The following LRWD1 variants were observed in gnomAD, a reference collection of about 807,000 sequenced individuals.
The protein encoded by LRWD1 is leucine-rich repeat and WD repeat-containing protein 1.
Under a neutral mutation model 75.6 loss-of-function variants are expected in LRWD1, and 76 were observed. The ratio of observed to expected loss-of-function variants is 1.01; its 90% confidence interval spans 0.84 to 1.22. The LOEUF is 1.22. Ranked by LOEUF, LRWD1 falls within the 50% of genes most tolerant of loss-of-function variation. The pLI, the probability that LRWD1 is intolerant of heterozygous loss-of-function variation, is 0.00. For missense variants in LRWD1, 917 were observed against 862.0 expected, an observed-to-expected ratio of 1.06 and a Z score of -0.80; for synonymous variants, 487 against 377.0, an observed-to-expected ratio of 1.29 and a Z score of -3.38.
rs1350056164 is a variant in LRWD1, at chr7:102,469,068, C to A, written c.1228+6C>A. 6.3e-7 allele frequency: 1 copy of A among 1,592,804 alleles called. No homozygotes were observed. The highest frequency in any genetic ancestry group is 8.6e-7 in the Non-Finnish European group (1 of 1,168,672). On this transcript the variant is annotated splice_donor_region_variant and intron_variant, in intron 9 of 14. Transcript: ENST00000292616. ...CCACGAGACCCATCTCTTCAGTAAG[C>A]CCCTCCCCTTCACCCCTGGGACCCC... is the stretch of plus-strand genomic sequence containing the variant.
At chr7:102,465,539 G>T (rs1316163542) in intron 1 of LRWD1, 1 of 261,192 alleles carries the variant, frequency 3.8e-6, no homozygotes, top group Non-Finnish European at 6.9e-6. Context: ...AAGTGGTGTG[G>T]AGTCGGGAGT....
chr7:102,470,380 C>T (rs72603517), intron 11 of LRWD1: 16,147 of 154,064 alleles, frequency 0.1, 1,426 homozygotes, highest in East Asian at 0.45. Context: ...CCCCAGCCTA[C>T]TGGGGAAGAC....
At chr7:102,465,488 G>GTTTTTTTTTTTTTTTTTTTTTTTTTTT (rs1797932813) in intron 1 of LRWD1, 1 of 107,648 alleles carries the variant, frequency 9.3e-6, no homozygotes, top group African/African-American at 5.0e-5. Flanking sequence ...AGTAGTTGCA[G>GTTTTTTTTTTTTTTTTTTTTTTTTTTT]CTTTTTTTTT....
rs748807152 is a variant in LRWD1 at position 102,468,965 on chromosome 7, G to A, written c.1131G>A (p.Leu377=). 10 of 1,612,582 alleles carry A rather than the reference G, an allele frequency of 6.2e-6. No homozygotes were observed. In the Admixed American group the frequency reaches 1.5e-4, roughly 24 times the overall value. Residue 377 remains leucine, a synonymous_variant, in exon 9 of 15, where the codon CTG becomes CTA. Transcript: ENST00000292616. ...AAGLRGLVRL[L]HVRAGFCCGV... The stretch of plus-strand genomic sequence containing the variant: ...GCCTACGGGGCCTGGTCCGGCTGCT[G>A]CACGTGCGTGCCGGCTTCTGCTGCG...
chr7:102,473,065 A>C lies in LRWD1; in HGVS notation c.*16A>C, dbSNP rs1190528497. On this transcript the variant is annotated 3_prime_UTR_variant, in exon 15 of 15. Coordinates refer to ENST00000292616, the MANE Select transcript of LRWD1 (RefSeq NM_152892.3). ...GAGGATGTAGCCTCACACCATCGCA[A>C]AGGACCAGGGACACAGCTAACTAAC... 1.3e-6 allele frequency: 2 copies of C among 1,598,826 alleles called. No individual in the cohort carries two copies.
intron 9 of LRWD1, 23 bp from the exon 10 acceptor site, chr7:102,469,551 C>T (rs769908005): frequency 6.2e-7 from 1 of 1,613,696 alleles, no homozygotes; most frequent in South Asian, 1.1e-5. Context: ...GGCCACTTCT[C>T]CCCTACCCCA....
intron 1 of LRWD1, 149 bp from the exon 2 acceptor site, chr7:102,465,668 T>A: frequency 1.6e-6 from 1 of 633,448 alleles, no homozygotes; most frequent in South Asian, 1.9e-5. Context: ...TGACACCCCG[T>A]CTCTAAAAAT....
chr7:102,472,120 G>A (rs1798210858), intron 11 of LRWD1, 98 bp from the exon 12 acceptor site: 1 of 1,097,024 alleles, frequency 9.1e-7, no homozygotes, highest in Admixed American at 2.0e-5. Context: ...CCTTCACACA[G>A]GGCAGGGTCC....
intron 5 of LRWD1, 26 bp downstream of exon 5, chr7:102,467,849 G>C (rs1798060308): frequency 6.5e-7 from 1 of 1,546,522 alleles, no homozygotes; most frequent in African/African-American, 1.4e-5. Context: ...AGGGCTCTGA[G>C]GCCAGCCCAG....
At chr7:102,468,212 G>T in intron 6 of LRWD1, 25 bp downstream of exon 6, 2 of 1,604,608 alleles carry the variant, frequency 1.2e-6, no homozygotes, top group Non-Finnish European at 8.5e-7. Flanking sequence ...CAAGGAGCAG[G>T]TGGCAGATGA....
Position 102,468,870 on chromosome 7 carries a change from G to C in LRWD1, c.1036G>C (p.Ala346Pro), listed in dbSNP as rs747796427. 9.9e-6 allele frequency: 16 copies of C among 1,611,836 alleles called. No homozygotes were observed. Among genetic ancestry groups the C allele is most frequent in the Non-Finnish European group, 1.4e-5 (16 of 1,179,928 alleles). ...KAPGEEFFSV[A>P]WTALMVVTQA... ...CCCCGCCCAGGAGTTCTTTTCTGTG[G>C]CCTGGACCGCTCTGATGGTGGTCAC... Residue 346 changes from alanine (A) to proline (P), a missense_variant, in exon 9 of 15, where the codon GCC (alanine) becomes CCC (proline). Ala to Pro is a conservative substitution (Grantham distance 27). Transcript: ENST00000292616.
At chr7:102,465,380 G>A (rs1797928308) in intron 1 of LRWD1, among the ~76,000 whole-genome samples, 2 of 151,904 alleles carry the variant, frequency 1.3e-5, no homozygotes, top group Admixed American at 6.5e-5. Context: ...TAGGGGCACA[G>A]CCTGCCGCTA....
chr7:102,468,972 C>T lies in LRWD1; in HGVS notation c.1138C>T (p.Arg380Cys). ...LRGLVRLLHV[R>C]AGFCCGVIRA... ...GGGCCTGGTCCGGCTGCTGCACGTG[C>T]GTGCCGGCTTCTGCTGCGGGGTCAT... Residue 380 changes from arginine (R) to cysteine (C), a missense_variant, in exon 9 of 15, where the codon CGT (arginine) becomes TGT (cysteine). Transcript: ENST00000292616. 3.1e-6 allele frequency: 5 copies of T among 1,612,678 alleles called. No individual in the cohort carries two copies. Among genetic ancestry groups the T allele is most frequent in the African/African-American group, 1.3e-5 (1 of 75,018 alleles).
At position 102,472,683 on chromosome 7, in the gene LRWD1, T is replaced by A; in HGVS notation, c.1691-9T>A. 1 of 1,613,402 alleles carries A rather than the reference T, an allele frequency of 6.2e-7. No homozygotes were observed. The highest frequency in any genetic ancestry group is 8.5e-7 in the Non-Finnish European group (1 of 1,179,916). On this transcript the variant is annotated splice_polypyrimidine_tract_variant and intron_variant, in intron 13 of 14. Transcript: ENST00000292616. Reference sequence around the variant, plus strand: ...TGCCCCCACTCAGACTCCACCTCTGTCCCGGCAGATAAGGGGATTGTGCTC... The same window carrying A: ...TGCCCCCACTCAGACTCCACCTCTGACCCGGCAGATAAGGGGATTGTGCTC...
intron 1 of LRWD1, 121 bp downstream of exon 1, chr7:102,465,281 T>A: frequency 9.9e-7 from 1 of 1,006,658 alleles, no homozygotes; most frequent in Non-Finnish European, 1.4e-6. Context: ...GGCAGAGTGG[T>A]CCAAATGTCT....
intron 3 of LRWD1, among the ~76,000 whole-genome samples, 167 bp from the exon 4 acceptor site, chr7:102,467,172 G>GTA (rs1798027715): frequency 2.1e-4 from 5 of 23,536 alleles, no homozygotes; most frequent in Non-Finnish European, 4.2e-4. Context: ...TGTGTGTGGG[G>GTA]TGTGTGTGTG....
At chr7:102,467,520 G>A (rs781073469) in intron 4 of LRWD1, 41 bp downstream of exon 4, 26 of 1,604,530 alleles carry the variant, frequency 1.6e-5, no homozygotes, top group Non-Finnish European at 2.0e-5. Flanking sequence ...ACTGGCTCTC[G>A]TATCTCTAGC....
In LRWD1 at chr7:102,469,781, C is replaced by A. The variant is rs747976966; in HGVS notation, c.1341C>A (p.Arg447=). Residue 447 remains arginine, a synonymous_variant, in exon 11 of 15, where the codon CGC becomes CGA. Coordinates refer to ENST00000292616, the MANE Select transcript of LRWD1 (RefSeq NM_152892.3). ...TGGACACCACCTCTATCCCCCTGCG[C>A]CTCTGCCCTGTCGCCTCCTGCCCGG... ...LTLDTTSIPL[R]LCPVASCPDA... The A allele has an allele frequency of 2.5e-6, 4 of 1,610,256 alleles. No individual in the cohort carries two copies. Among genetic ancestry groups the A allele is most frequent in the South Asian group, 2.2e-5 (2 of 90,726 alleles).
Position 102,468,869 on chromosome 7 carries a change from G to C in LRWD1, c.1035G>C (p.Val345=). 1 of 1,611,840 alleles carries C rather than the reference G, an allele frequency of 6.2e-7. No individual in the cohort carries two copies. Among genetic ancestry groups the C allele is most frequent in the South Asian group, 1.1e-5 (1 of 91,048 alleles). Residue 345 remains valine, a synonymous_variant, in exon 9 of 15, where the codon GTG becomes GTC. Coordinates refer to ENST00000292616, the MANE Select transcript of LRWD1 (RefSeq NM_152892.3). ...CCCCCGCCCAGGAGTTCTTTTCTGT[G>C]GCCTGGACCGCTCTGATGGTGGTCA... The part of the protein sequence containing the change: ...YKAPGEEFFS[V]AWTALMVVTQ...
Sources: allele counts gnomAD v4.1 joint callset (sites outside exome capture counted in the v4.1 genomes callset), GRCh38; gene constraint gnomAD v4.1.1; transcripts MANE v1.5; gene names NCBI Gene and HGNC (gene_info 2026-07-23, HGNC 2026-07-21).